The following NUP35 variants were observed in gnomAD, a reference collection of about 807,000 sequenced individuals.
The protein encoded by NUP35 is nucleoporin NUP35.
In NUP35, 25 loss-of-function variants were observed where a neutral mutation model predicts 41.5. The ratio of observed to expected loss-of-function variants is 0.60; its 90% CI spans 0.44 to 0.84. The LOEUF (loss-of-function observed/expected upper bound fraction) is 0.84, where lower values mean the gene tolerates loss of function less well. Among genes scored for constraint, NUP35 ranks in the 40% least tolerant of loss-of-function variants. The pLI is 0.00. For missense variants in NUP35, 396 were observed against 396.6 expected, an observed-to-expected ratio of 1.00 and a Z score of 0.01; for synonymous variants, 149 against 130.7, an observed-to-expected ratio of 1.14 and a Z score of -0.96.
intron 4 of NUP35, among the ~76,000 whole-genome samples, chr2:183,147,566 C>A (rs887739028): frequency 2.6e-5 from 4 of 152,102 alleles, no homozygotes; most frequent in African/African-American, 4.8e-5. Flanking sequence ...GTACCAGTAC[C>A]ATACTGTTTT....
chr2:183,130,390 T>TA (rs761233430), intron 2 of NUP35, 28 bp from the exon 3 acceptor site: 21 of 614,990 alleles, frequency 3.4e-5, no homozygotes, highest in Middle Eastern at 6.1e-4. Flanking sequence ...AGAATCCCTT[T>TA]TTTTTTTTTT....
chr2:183,159,347 G>A (rs565963577), intron 7 of NUP35, 141 bp from the exon 8 acceptor site: 20 of 676,758 alleles, frequency 3.0e-5, no homozygotes, highest in South Asian at 2.9e-4. Flanking sequence ...ATTTTCTCAA[G>A]CCTAAAATTA....
intron 1 of NUP35, 58 bp from the exon 2 acceptor site, chr2:183,128,229 C>G: frequency 4.5e-6 from 6 of 1,325,164 alleles, no homozygotes; most frequent in Non-Finnish European, 6.0e-6. Context: ...TTTTTGTCAT[C>G]AACATGTAAC....
chr2:183,121,744 G>C (rs1700070201), upstream of NUP35, among the ~76,000 whole-genome samples: 1 of 151,944 alleles, frequency 6.6e-6, no homozygotes, highest in Non-Finnish European at 1.5e-5. Flanking sequence ...GACTGAGGCA[G>C]GGGAATCAGT....
intron 4 of NUP35, among the ~76,000 whole-genome samples, chr2:183,149,316 A>C (rs985949951): frequency 4.0e-5 from 6 of 151,798 alleles, no homozygotes; most frequent in African/African-American, 1.4e-4. Flanking sequence ...CAAAATTTAA[A>C]ATTTAAGTAT....
intron 1 of NUP35, among the ~76,000 whole-genome samples, chr2:183,125,630 T>C (rs1033857148): frequency 6.6e-6 from 1 of 152,264 alleles, no homozygotes; most frequent in African/African-American, 2.4e-5. Flanking sequence ...ATTTTAGAGA[T>C]CAAAAACTCT....
chr2:183,158,136 T>A, intron 6 of NUP35, 147 bp from the exon 7 acceptor site: 1 of 513,250 alleles, frequency 1.9e-6, no homozygotes, highest in Non-Finnish European at 3.3e-6. Flanking sequence ...CTAAATACGA[T>A]TTTTGTTGAA....
chr2:183,128,454 G>A lies in NUP35; in HGVS notation c.208G>A (p.Ala70Thr). 6.2e-7 allele frequency: 1 copy of A among 1,609,406 alleles called. No individual in the cohort carries two copies. The highest frequency in any genetic ancestry group is 1.1e-5 in the South Asian group (1 of 90,354). The change falls in exon 2 of 9, where the codon GCA (alanine) becomes ACA (threonine). Residue 70 changes from alanine (A) to threonine (T), a missense_variant. Ala to Thr is a moderately conservative substitution (Grantham distance 58). Coordinates refer to ENST00000295119, the MANE Select transcript of NUP35 (RefSeq NM_138285.5). ...AATGGAAATGAGATCACCTTTACTTGCAGGTAGGTGAATTGCTTAAAATAA... is the reference window on the plus strand; with the variant it reads ...AATGGAAATGAGATCACCTTTACTTACAGGTAGGTGAATTGCTTAAAATAA... ...GVMEMRSPLL[A>T]GGSPPQPVVP...
intron 5 of NUP35, among the ~76,000 whole-genome samples, chr2:183,152,863 T>C (rs1274970452): frequency 1.5e-5 from 2 of 136,270 alleles, no homozygotes; most frequent in Admixed American, 1.5e-4. Flanking sequence ...TACAAAAATA[T>C]AAAGTTTGTT....
rs1448165378 is a variant in NUP35, at chr2:183,128,456, A to G, written c.210A>G (p.Ala70=). Residue 70 remains alanine, a splice_region_variant and synonymous_variant, in exon 2 of 9, where the codon GCA becomes GCG. Coordinates refer to ENST00000295119, the MANE Select transcript of NUP35 (RefSeq NM_138285.5). ...GVMEMRSPLL[A]GGSPPQPVVP... Reference sequence around the variant, plus strand: ...TGGAAATGAGATCACCTTTACTTGCAGGTAGGTGAATTGCTTAAAATAATT... The same window carrying G: ...TGGAAATGAGATCACCTTTACTTGCGGGTAGGTGAATTGCTTAAAATAATT... 6.2e-7 allele frequency: 1 copy of G among 1,610,178 alleles called. No individual in the cohort carries two copies. The highest frequency in any genetic ancestry group is 1.1e-5 in the South Asian group (1 of 90,456).
At chr2:183,159,838 T>C (rs1685806003) in intron 8 of NUP35, 186 bp downstream of exon 8, 8 of 483,448 alleles carry the variant, frequency 1.7e-5, no homozygotes, top group Non-Finnish European at 2.1e-5. Flanking sequence ...TGGAAAGTTA[T>C]CATGAATTAA....
At chr2:183,130,375 A>G in intron 2 of NUP35, 43 bp from the exon 3 acceptor site, 1 of 1,516,902 alleles carries the variant, frequency 6.6e-7, no homozygotes, top group Non-Finnish European at 8.8e-7. Flanking sequence ...ATCTTACCAA[A>G]AAGAAGAATC....
At chr2:183,159,859 T>A (rs1020365542) in intron 8 of NUP35, 2 of 458,762 alleles carry the variant, frequency 4.4e-6, no homozygotes, top group Non-Finnish European at 7.6e-6. Context: ...AAAAAAAAAA[T>A]TATTTGCCAT....
At chr2:183,142,546 A>G (rs933388165) in intron 4 of NUP35, among the ~76,000 whole-genome samples, 1 of 151,694 alleles carries the variant, frequency 6.6e-6, no homozygotes, top group Non-Finnish European at 1.5e-5. Context: ...TAGTGGCACA[A>G]TCTCGGCTCA....
At chr2:183,153,789 GC>G (rs1685550686) in intron 5 of NUP35, among the ~76,000 whole-genome samples, 1 of 152,178 alleles carries the variant, frequency 6.6e-6, no homozygotes, top group Admixed American at 6.5e-5. Context: ...TCTTCTCACA[GC>G]CCCACTAGGC....
rs200136445 is a variant in NUP35, at chr2:183,143,698, T to TA, written c.398-7808dup. 5.6e-4 allele frequency among the ~76,000 whole-genome samples: 85 copies of TA among 152,290 alleles called. No homozygotes were observed. In the East Asian group the frequency reaches 0.015, roughly 27 times the overall value. On this transcript the variant is annotated intron_variant, in intron 4 of 8. Coordinates refer to ENST00000295119, the MANE Select transcript of NUP35 (RefSeq NM_138285.5). ...CTGGGATAAGGAGAGGCCTGGTCTGTAAGCCCTTATTATATACTTTACACT... is the reference window on the plus strand; with the variant it reads ...CTGGGATAAGGAGAGGCCTGGTCTGTAAAGCCCTTATTATATACTTTACACT...
At chr2:183,130,353 T>C in intron 2 of NUP35, 65 bp from the exon 3 acceptor site, 1 of 1,475,768 alleles carries the variant, frequency 6.8e-7, no homozygotes, top group South Asian at 1.4e-5. Flanking sequence ...TTCAAAAATA[T>C]AAATTTAAAA....
intron 4 of NUP35, among the ~76,000 whole-genome samples, chr2:183,134,757 A>G (rs1362564901): frequency 1.3e-5 from 2 of 150,572 alleles, no homozygotes; most frequent in Non-Finnish European, 3.0e-5. Flanking sequence ...CTGGGATTAC[A>G]GGTGCTCGCC....
At chr2:183,134,499 A>G (rs1684809639) in intron 4 of NUP35, among the ~76,000 whole-genome samples, 1 of 152,152 alleles carries the variant, frequency 6.6e-6, no homozygotes, top group Admixed American at 6.6e-5. Context: ...GGCTTAAACA[A>G]TACACATTCA....
Sources: gnomAD v4.1 joint callset for allele counts (sites outside exome capture counted in the v4.1 genomes callset) on GRCh38, gnomAD v4.1.1 for gene constraint, MANE v1.5 for transcripts, NCBI Gene and HGNC (gene_info 2026-07-23, HGNC 2026-07-21) for gene names.